The following GRID2 variants were observed in gnomAD, a reference collection of about 807,000 sequenced individuals.
The protein encoded by GRID2 is glutamate receptor ionotropic, delta-2.
A neutral mutation model predicts 114.8 loss-of-function variants in GRID2; 33 were observed. The ratio of observed to expected loss-of-function variants is 0.29; its 90% CI spans 0.22 to 0.38. The LOEUF (loss-of-function observed/expected upper bound fraction) is 0.38, where lower values mean the gene tolerates loss of function less well. Ranked by LOEUF, GRID2 falls within the 10% of genes least tolerant of loss-of-function variation. The probability of loss-of-function intolerance (pLI) is 1.00; values close to 1 mark genes in which losing one functional copy is unlikely to be tolerated. For missense variants in GRID2, 1,184 were observed against 1,257.7 expected (o/e 0.94, Z 0.89); for synonymous variants, 505 against 449.9 (o/e 1.12, Z -1.55).
intron 10 of GRID2, among the ~76,000 whole-genome samples, chr4:93,430,615 C>G (rs1248405188): frequency 1.3e-5 from 2 of 152,212 alleles, no homozygotes; most frequent in East Asian, 3.9e-4. Context: ...TCTCTATGTG[C>G]TATGCACTGT....
At chr4:93,109,450 T>C (rs1374873279) in intron 3 of GRID2, among the ~76,000 whole-genome samples, 2 of 152,186 alleles carry the variant, frequency 1.3e-5, no homozygotes, top group Non-Finnish European at 2.9e-5. Context: ...CAAATGTAAA[T>C]GTTTATAAGA....
intron 1 of GRID2, among the ~76,000 whole-genome samples, chr4:92,429,322 T>A (rs1242143675): frequency 6.6e-6 from 1 of 152,220 alleles, no homozygotes; most frequent in East Asian, 1.9e-4. Flanking sequence ...AAGTTTTAGA[T>A]CTCACATGAG....
chr4:92,884,893 T>C, intron 2 of GRID2: 1 of 396,718 alleles, frequency 2.5e-6, no homozygotes, highest in Non-Finnish European at 5.2e-6. Flanking sequence ...CTGAGAATGG[T>C]ACTATCAATG....
rs143651534 is a variant in GRID2 at position 93,380,295 on chromosome 4, G to A, written c.1246-15312G>A. Among the ~76,000 whole-genome samples, 1,299 of 151,990 alleles carry A rather than the reference G, an allele frequency of 8.5e-3. 17 individuals carry two copies. Among genetic ancestry groups the A allele is most frequent in the African/African-American group, 0.03 (1,229 of 41,470 alleles). On this transcript the variant is annotated intron_variant, in intron 8 of 15. Coordinates refer to ENST00000282020, the MANE Select transcript of GRID2 (RefSeq NM_001510.4). ...TGCAGCCACAGGTCAAAGAATGCTTGGAACCAAGAGAAGCTGGAAAAGACA... is the reference window on the plus strand; with the variant it reads ...TGCAGCCACAGGTCAAAGAATGCTTAGAACCAAGAGAAGCTGGAAAAGACA...
intron 1 of GRID2, among the ~76,000 whole-genome samples, chr4:92,310,717 C>A (rs1725657867): frequency 6.6e-6 from 1 of 151,876 alleles, no homozygotes; most frequent in African/African-American, 2.4e-5. Context: ...TCATTTTTAT[C>A]AACCCTAAAA....
intron 8 of GRID2, among the ~76,000 whole-genome samples, chr4:93,294,993 C>A (rs1754142376): frequency 6.6e-6 from 1 of 152,050 alleles, no homozygotes; most frequent in African/African-American, 2.4e-5. Context: ...AAGATCCTGG[C>A]CTGAGCAACA....
chr4:93,105,678 A>G (rs938463807), intron 3 of GRID2, among the ~76,000 whole-genome samples: 1 of 152,078 alleles, frequency 6.6e-6, no homozygotes. Flanking sequence ...TTCTTCACTC[A>G]AGATCTCTTT....
At chr4:93,653,914 C>T (rs1214294464) in intron 14 of GRID2, among the ~76,000 whole-genome samples, 1 of 152,128 alleles carries the variant, frequency 6.6e-6, no homozygotes, top group East Asian at 1.9e-4. Flanking sequence ...TATTTGCCAT[C>T]TATGAAATGT....
chr4:93,701,282 A>C (rs868590481), intron 14 of GRID2, among the ~76,000 whole-genome samples: 1 of 152,186 alleles, frequency 6.6e-6, no homozygotes, highest in African/African-American at 2.4e-5. Context: ...ACGAGTTTAG[A>C]GCTAACGCTT....
chr4:93,802,550 G>T (rs1032684187), intron 1 of GRID2, among the ~76,000 whole-genome samples: 4 of 152,148 alleles, frequency 2.6e-5, no homozygotes, highest in African/African-American at 9.7e-5. Flanking sequence ...AATAAATTTA[G>T]TATGGTTTTT....
chr4:92,777,982 A>AGT (rs1345288688), intron 2 of GRID2, among the ~76,000 whole-genome samples: 1 of 152,146 alleles, frequency 6.6e-6, no homozygotes, highest in Non-Finnish European at 1.5e-5. Flanking sequence ...AAATGTGTAG[A>AGT]GTAACTAATC....
At chr4:93,081,021 C>T (rs1729811676) in intron 2 of GRID2, among the ~76,000 whole-genome samples, 1 of 152,126 alleles carries the variant, frequency 6.6e-6, no homozygotes, top group African/African-American at 2.4e-5. Context: ...GGTAGTGCCC[C>T]CATGACCCAA....
intron 4 of GRID2, among the ~76,000 whole-genome samples, chr4:93,151,000 A>G (rs892721844): frequency 6.6e-6 from 1 of 151,494 alleles, no homozygotes; most frequent in Non-Finnish European, 1.5e-5. Flanking sequence ...ATGGTGGTGC[A>G]CACCTGTAAT....
At chr4:92,381,382 T>G (rs34580955) in intron 1 of GRID2, among the ~76,000 whole-genome samples, 14,427 of 152,082 alleles carry the variant, frequency 0.095, 714 homozygotes, top group Middle Eastern at 0.13. Context: ...TCGTGTGCTT[T>G]GGGTGACTTT....
chr4:93,673,380 A>G (rs1724593593), intron 14 of GRID2, among the ~76,000 whole-genome samples: 1 of 152,190 alleles, frequency 6.6e-6, no homozygotes, highest in Non-Finnish European at 1.5e-5. Context: ...AAAACTTTAA[A>G]TATCTTCCCA....
chr4:92,537,279 C>T (rs950190505), intron 1 of GRID2, among the ~76,000 whole-genome samples: 15 of 152,034 alleles, frequency 9.9e-5, no homozygotes, highest in Admixed American at 6.6e-5. Flanking sequence ...TATATACATA[C>T]TATTATTAAT....
intron 14 of GRID2, among the ~76,000 whole-genome samples, chr4:93,710,825 T>C (rs1300614030): frequency 6.6e-6 from 1 of 152,090 alleles, no homozygotes; most frequent in Non-Finnish European, 1.5e-5. Flanking sequence ...TTCCGTCTCC[T>C]TTCCTCAAGC....
rs577438567 is a variant in GRID2, at chr4:92,829,170, C to T, written c.244+238884C>T. Among the ~76,000 whole-genome samples the T allele has an allele frequency of 3.9e-5, 6 of 152,212 alleles. No homozygotes were observed. The South Asian group carries it at 6.2e-4, about 16-fold the overall frequency. On this transcript the variant is annotated intron_variant, in intron 2 of 15. Transcript: ENST00000282020. ...TAGGTTTTACATTTAAGCCTTTAATCGATCTTGAGTTAATTTTTGTATAAG... is the reference window on the plus strand; with the variant it reads ...TAGGTTTTACATTTAAGCCTTTAATTGATCTTGAGTTAATTTTTGTATAAG...
intron 2 of GRID2, among the ~76,000 whole-genome samples, chr4:92,969,333 A>G (rs1044408540): frequency 9.2e-5 from 14 of 151,904 alleles, no homozygotes; most frequent in African/African-American, 3.4e-4. Context: ...TGCATGTTGT[A>G]TAACTGCCTT....
Sources: allele counts gnomAD v4.1 joint callset (sites outside exome capture counted in the v4.1 genomes callset), GRCh38; gene constraint gnomAD v4.1.1; transcripts MANE v1.5; gene names NCBI Gene and HGNC (gene_info 2026-07-23, HGNC 2026-07-21).